Variants in DENND5B observed in about 807,000 individuals in gnomAD.
DENND5B encodes DENN domain-containing protein 5B.
Under a neutral mutation model 140.6 loss-of-function variants are expected in DENND5B, and 34 were observed. The observed-to-expected ratio is 0.24, with a 90% CI of 0.18 to 0.32. The LOEUF (loss-of-function observed/expected upper bound fraction) is 0.32. Ranked by LOEUF, DENND5B falls within the 10% of genes least tolerant of loss-of-function variation. The probability of loss-of-function intolerance (pLI) is 1.00; values close to 1 mark genes in which losing one functional copy is unlikely to be tolerated. For missense variants in DENND5B, 1,142 were observed against 1,560.2 expected (o/e 0.73, Z 4.52); for synonymous variants, 551 against 562.1 (o/e 0.98, Z 0.28).
At chr12:31,402,407 T>G in intron 15 of DENND5B, 91 bp downstream of exon 15, 1 of 1,456,604 alleles carries the variant, frequency 6.9e-7, no homozygotes, top group Non-Finnish European at 9.2e-7. Context: ...TCTATTTTAT[T>G]TGATTCAAGG....
At chr12:31,448,898 A>C (rs1446054859) in intron 5 of DENND5B, among the ~76,000 whole-genome samples, 1 of 152,232 alleles carries the variant, frequency 6.6e-6, no homozygotes, top group African/African-American at 2.4e-5. Flanking sequence ...CATCAGAAGC[A>C]AGCCTTTGGA....
intron 2 of DENND5B, among the ~76,000 whole-genome samples, chr12:31,480,901 G>GC: frequency 6.6e-6 from 1 of 152,168 alleles, no homozygotes; most frequent in Non-Finnish European, 1.5e-5. Context: ...TTCTAGTAGA[G>GC]ATTATGCTCT....
intron 1 of DENND5B, among the ~76,000 whole-genome samples, chr12:31,556,661 TAAATAAA>T (rs1457634804): frequency 3.3e-5 from 5 of 152,128 alleles, no homozygotes; most frequent in African/African-American, 4.8e-5. Context: ...TATTCTACTT[TAAATAAA>T]AAATAAAAAT....
intron 1 of DENND5B, among the ~76,000 whole-genome samples, chr12:31,570,710 T>C (rs1949792381): frequency 6.6e-6 from 1 of 152,056 alleles, no homozygotes; most frequent in African/African-American, 2.4e-5. Context: ...AGTAAATTGA[T>C]AGGTTTAAAG....
intron 1 of DENND5B, chr12:31,499,559 A>C: frequency 1.4e-6 from 2 of 1,397,398 alleles, no homozygotes; most frequent in Non-Finnish European, 1.9e-6. Flanking sequence ...AGTCAATTAA[A>C]ATAATGATTT....
chr12:31,424,444 A>ATTT, intron 10 of DENND5B, 91 bp downstream of exon 10: 35 of 1,275,592 alleles, frequency 2.7e-5, no homozygotes, highest in South Asian at 5.9e-5. Context: ...AAAAGAGCCT[A>ATTT]TTTTTTTTTA....
intron 3 of DENND5B, among the ~76,000 whole-genome samples, chr12:31,475,949 C>T (rs1945786551): frequency 2.0e-5 from 3 of 151,918 alleles, no homozygotes; most frequent in Admixed American, 2.0e-4. Flanking sequence ...CATGGCAAAA[C>T]CTCATCTCTA....
chr12:31,405,676 T>C (rs986994962), intron 14 of DENND5B, among the ~76,000 whole-genome samples: 1 of 151,362 alleles, frequency 6.6e-6, no homozygotes, highest in Non-Finnish European at 1.5e-5. Context: ...GCCTCCCAAG[T>C]AGTTGGGATT....
chr12:31,496,026 T>A, intron 1 of DENND5B, 107 bp from the exon 2 acceptor site: 1 of 680,946 alleles, frequency 1.5e-6, no homozygotes. Context: ...TGAGATCTGA[T>A]TCAATTTCTG....
chr12:31,586,987 G>A (rs1950418103), intron 1 of DENND5B, among the ~76,000 whole-genome samples: 1 of 152,160 alleles, frequency 6.6e-6, no homozygotes, highest in South Asian at 2.1e-4. Flanking sequence ...ATTCTTAGTT[G>A]AGAACATGAT....
intron 4 of DENND5B, among the ~76,000 whole-genome samples, chr12:31,457,872 C>T (rs55771933): frequency 0.13 from 20,383 of 152,060 alleles, 1,613 homozygotes; most frequent in Non-Finnish European, 0.18. Context: ...TGCCACCACG[C>T]CCGGCTATTT....
intron 1 of DENND5B, among the ~76,000 whole-genome samples, chr12:31,540,685 AAAG>A (rs1209391118): frequency 2.0e-5 from 3 of 151,832 alleles, no homozygotes; most frequent in Admixed American, 1.3e-4. Context: ...AAAAAAAAGA[AAAG>A]AAGAGAAAAA....
chr12:31,391,929 A>C (rs1941168732), intron 19 of DENND5B, among the ~76,000 whole-genome samples: 1 of 152,016 alleles, frequency 6.6e-6, no homozygotes, highest in Non-Finnish European at 1.5e-5. Flanking sequence ...TCACAAGGTC[A>C]GGAGTTCAAG....
intron 1 of DENND5B, among the ~76,000 whole-genome samples, chr12:31,553,557 G>A (rs1409611529): frequency 7.2e-5 from 11 of 152,188 alleles, no homozygotes; most frequent in Admixed American, 5.2e-4. Context: ...GGGGTGGAGA[G>A]TTCTGTAGAT....
rs188856953 is a variant in DENND5B, at chr12:31,496,023, T to G, written c.128-104A>C. 1,985 of 697,056 alleles carry G rather than the reference T, an allele frequency of 2.8e-3. 19 individuals carry two copies. Among genetic ancestry groups the G allele is most frequent in the African/African-American group, 0.028 (1,610 of 56,650 alleles). The allele number at this position is 697,056 out of a possible 1,614,324, so 43.2% of individuals were successfully genotyped here. ...ACTACTGACTGATAATGTTGAGATC[T>G]GATTCAATTTCTGCCTCTAACCATC... On this transcript the variant is annotated intron_variant, in intron 1 of 20. Coordinates refer to ENST00000389082, the MANE Select transcript of DENND5B (RefSeq NM_144973.4).
At chr12:31,568,687 G>A (rs1949713151) in intron 1 of DENND5B, among the ~76,000 whole-genome samples, 1 of 152,154 alleles carries the variant, frequency 6.6e-6, no homozygotes. Flanking sequence ...CATAAAGGTT[G>A]CGCCTAAACA....
Position 31,382,818 on chromosome 12 carries a change from T to C in DENND5B, c.*4785A>G. ...CTCCAATCAGATTTTGGAGAGGAGG[T>C]TCTCCTTAGATTCTTTTGATCACAC... On this transcript the variant is annotated 3_prime_UTR_variant, in exon 21 of 21. Transcript: ENST00000389082. 1 of 152,088 alleles carries C rather than the reference T, an allele frequency of 6.6e-6. No homozygotes were observed. Among genetic ancestry groups the C allele is most frequent in the East Asian group, 1.9e-4 (1 of 5,200 alleles). The allele number at this position is 152,088 out of a possible 1,614,324, so 9.4% of individuals were successfully genotyped here.
In DENND5B at chr12:31,488,950, C is replaced by T. The variant is rs949272910; in HGVS notation, c.237+6860G>A. 7.2e-5 allele frequency among the ~76,000 whole-genome samples: 11 copies of T among 152,310 alleles called. No individual in the cohort carries two copies. In the East Asian group the frequency reaches 2.1e-3, roughly 29 times the overall value. ...CAGGCTTATAATGACAAGTGTGTAA[C>T]TTTCCCAGTTTGAGTCAGCAAATGT... On this transcript the variant is annotated intron_variant, in intron 2 of 20. Transcript: ENST00000389082.
intron 1 of DENND5B, among the ~76,000 whole-genome samples, chr12:31,588,760 T>C (rs1287514916): frequency 2.0e-5 from 3 of 152,234 alleles, no homozygotes. Flanking sequence ...CTAGAACGTA[T>C]GCTCCATGAT....
Sources: gnomAD v4.1 joint callset for allele counts (sites outside exome capture counted in the v4.1 genomes callset) on GRCh38, gnomAD v4.1.1 for gene constraint, MANE v1.5 for transcripts, NCBI Gene and HGNC (gene_info 2026-07-23, HGNC 2026-07-21) for gene names.